TYK2: variants seen among roughly 807,000 people sequenced by gnomAD.
The protein encoded by TYK2 is non-receptor tyrosine-protein kinase TYK2.
TYK2 carries 65 observed loss-of-function variants against 130.9 expected under a neutral mutation model. That is an observed-to-expected ratio of 0.50 (90% CI 0.41 to 0.61). TYK2 has a LOEUF of 0.61. TYK2 is among the 20% of genes least tolerant of loss of function. The pLI is 0.00. For missense variants in TYK2, 1,378 were observed against 1,610.7 expected (o/e 0.86, Z 2.47); for synonymous variants, 647 against 658.9 (o/e 0.98, Z 0.28).
chr19:10,371,631 T>C (rs2041910475), intron 3 of TYK2, among the ~76,000 whole-genome samples: 3 of 151,864 alleles, frequency 2.0e-5, no homozygotes, highest in Admixed American at 2.0e-4. Context: ...AGCGAAACTC[T>C]GTCTCAAAAA....
chr19:10,366,073 C>A (rs1319886298), intron 6 of TYK2, among the ~76,000 whole-genome samples, 175 bp from the exon 7 acceptor site: 1 of 152,102 alleles, frequency 6.6e-6, no homozygotes, highest in Non-Finnish European at 1.5e-5. Flanking sequence ...GAAGCCAAGG[C>A]GGAAGGATCG....
intron 3 of TYK2, 154 bp from the exon 4 acceptor site, chr19:10,368,572 T>C (rs1248722948): frequency 2.8e-6 from 3 of 1,059,984 alleles, no homozygotes; most frequent in East Asian, 5.2e-5. Flanking sequence ...CAGAGGACAG[T>C]GCGTATGTTG....
At chr19:10,369,466 C>T (rs1046964338) in intron 3 of TYK2, among the ~76,000 whole-genome samples, 4 of 152,086 alleles carry the variant, frequency 2.6e-5, no homozygotes. Flanking sequence ...TCAAGCGATC[C>T]TCCCACCTCA....
intron 20 of TYK2, 36 bp downstream of exon 20, chr19:10,354,006 C>A (rs1474702553): frequency 6.2e-7 from 1 of 1,608,480 alleles, no homozygotes; most frequent in South Asian, 1.1e-5. Context: ...TAACCACGCC[C>A]CCTCAAGTCT....
chr19:10,372,773 G>C (rs1304490513), intron 3 of TYK2, among the ~76,000 whole-genome samples: 2 of 151,854 alleles, frequency 1.3e-5, no homozygotes, highest in African/African-American at 4.8e-5. Flanking sequence ...TTGCAGGCGT[G>C]AGCCACTGCA....
intron 22 of TYK2, among the ~76,000 whole-genome samples, 154 bp downstream of exon 22, chr19:10,352,772 G>A (rs1043338747): frequency 1.3e-5 from 2 of 152,082 alleles, no homozygotes; most frequent in Admixed American, 6.6e-5. Flanking sequence ...TCTATACACC[G>A]CCCCTTGCCT....
rs1222690580 is a variant in TYK2 at position 10,378,270 on chromosome 19, A to G, written c.137T>C (p.Phe46Ser). The G allele has an allele frequency of 6.2e-7, 1 of 1,612,938 alleles. No individual in the cohort carries two copies. The highest frequency in any genetic ancestry group is 1.1e-5 in the South Asian group (1 of 91,088). ...CTCAGCTGTCAGCGATGACTCACTG[A>G]AAGTGACCCAGGGCTCCCCGCCGCC... is the stretch of plus-strand genomic sequence containing the variant. ...GPGGGEPWVT[F>S]SESSLTAEEV... is the part of the protein sequence containing the mutation. The change falls in exon 3 of 25, where the codon TTC (phenylalanine) becomes TCC (serine). Residue 46 changes from phenylalanine (F) to serine (S), a missense_variant. By Grantham distance (155) the Phe-to-Ser change is radical (BLOSUM62 -2). Transcript: ENST00000525621.
At position 10,354,188 on chromosome 19, in the gene TYK2, T is replaced by A; in HGVS notation, c.2762A>T (p.Asp921Val). 6.2e-7 allele frequency: 1 copy of A among 1,613,750 alleles called. No individual in the cohort carries two copies. Among genetic ancestry groups the A allele is most frequent in the South Asian group, 1.1e-5 (1 of 91,070 alleles). Residue 921 changes from aspartate (D) to valine (V), a missense_variant, in exon 20 of 25, where the codon GAC becomes GTC. By Grantham distance (152) the Asp-to-Val change is radical. Coordinates refer to ENST00000525621, the MANE Select transcript of TYK2 (RefSeq NM_003331.5). Reference sequence around the variant, plus strand: ...CACCGCCACCATCTCGCCAGTGCCGTCGTTGGTCGGATCGTAGCAGTACAA... The same window carrying A: ...CACCGCCACCATCTCGCCAGTGCCGACGTTGGTCGGATCGTAGCAGTACAA... ...VSLYCYDPTN[D>V]GTGEMVAVKA...
chr19:10,351,763 G>A (rs1318422574), intron 23 of TYK2, among the ~76,000 whole-genome samples: 1 of 151,994 alleles, frequency 6.6e-6, no homozygotes, highest in Non-Finnish European at 1.5e-5. Context: ...TTTTGAGACA[G>A]TCTCTCGCTC....
Position 10,359,297 on chromosome 19 carries a change from T to C in TYK2, c.2053A>G (p.Met685Val), listed in dbSNP as rs1457621080. The change falls in exon 15 of 25, where the codon ATG (methionine) becomes GTG (valine). Residue 685 changes from methionine to valine, a missense_variant. Coordinates refer to ENST00000525621, the MANE Select transcript of TYK2 (RefSeq NM_003331.5). ...CCGTGCTCCACGTACTCTGTCACCA[T>C]GATATCTGTAAAGACACAGCTGCTC... Reference protein sequence around the residue: ...GVCVRGPENIMVTEYVEHGPL... With the variant: ...GVCVRGPENIVVTEYVEHGPL... 1 of 1,611,188 alleles carries C rather than the reference T, an allele frequency of 6.2e-7. No individual in the cohort carries two copies. Among genetic ancestry groups the C allele is most frequent in the Admixed American group, 1.7e-5 (1 of 59,950 alleles).
rs997074267 is a variant in TYK2 at position 10,361,936 on chromosome 19, C to T, written c.1793G>A (p.Gly598Asp). ...EITQLSHLGQ[G>D]TRTNVYEGRL... ...GCCCTCATACACGTTGGTCCTTGTG[C>T]CCTGGCCCAAGTGGGACAGCTGCGG... Residue 598 changes from glycine (G) to aspartate (D), a missense_variant, in exon 13 of 25, where the codon GGC becomes GAC. Coordinates refer to ENST00000525621, the MANE Select transcript of TYK2 (RefSeq NM_003331.5). The surrounding 1 kb of genome is among the most constrained non-coding windows in gnomAD (Gnocchi z 4.0). The T allele has an allele frequency of 2.5e-6, 4 of 1,613,950 alleles. No individual in the cohort carries two copies. The African/African-American group carries it at 4.0e-5, about 16-fold the overall frequency.
chr19:10,375,200 T>C (rs928083981), intron 3 of TYK2, among the ~76,000 whole-genome samples: 2 of 148,662 alleles, frequency 1.3e-5, no homozygotes, highest in South Asian at 2.1e-4. Context: ...CAGCCATCAA[T>C]GGGGAAGTAG....
rs753617141 is a variant in TYK2, at chr19:10,353,574, C to T, written c.2981G>A (p.Ser994Asn). The change falls in exon 21 of 25, where the codon AGC (serine) becomes AAC (asparagine). Residue 994 changes from serine to asparagine, a missense_variant. Ser to Asn is a conservative substitution (Grantham distance 46). Transcript: ENST00000525621. The surrounding 1 kb of genome is among the most constrained non-coding windows in gnomAD (Gnocchi z 6.9). ...GAGCAGCAGCTGGGCCAGCCCGATG[C>T]TGTGCCGGGGCAGGTAGTCTCGGAG... is the stretch of plus-strand genomic sequence containing the variant. ...GSLRDYLPRH[S>N]IGLAQLLLFA... 28 of 1,497,406 alleles carry T rather than the reference C, an allele frequency of 1.9e-5. No homozygotes were observed. Among genetic ancestry groups the T allele is most frequent in the South Asian group, 6.8e-5 (5 of 73,144 alleles). 92.8% of individuals were successfully genotyped at this position (1,497,406 alleles called of 1,614,324 possible). A position where few individuals can be genotyped will look rare whatever the true frequency, so the allele number is the denominator to read the frequency against.
At chr19:10,370,773 C>G (rs1312005178) in intron 3 of TYK2, among the ~76,000 whole-genome samples, 2 of 149,904 alleles carry the variant, frequency 1.3e-5, no homozygotes, top group African/African-American at 4.9e-5. Flanking sequence ...GCCGAGATCA[C>G]GCCACTGCGC....
chr19:10,362,706 A>C, intron 9 of TYK2, 49 bp from the exon 10 acceptor site: 3 of 1,475,584 alleles, frequency 2.0e-6, no homozygotes, highest in Non-Finnish European at 2.8e-6. Flanking sequence ...GCCACTCTGG[A>C]CCCATACCCG....
At position 10,353,981 on chromosome 19, in the gene TYK2, G is replaced by C. The variant is rs1599328678; in HGVS notation, c.2908+61C>G. 1.3e-6 allele frequency: 2 copies of C among 1,560,290 alleles called. No homozygotes were observed. The highest frequency in any genetic ancestry group is 4.5e-5 in the East Asian group (2 of 44,414). The stretch of plus-strand genomic sequence containing the variant: ...AGGCCAGACTGGCCCCGCCCACAAG[G>C]CCACACCCACGCTCTAACCACGCCC... On this transcript the variant is annotated intron_variant, in intron 20 of 24. Transcript: ENST00000525621. The surrounding 1 kb of genome is among the most constrained non-coding windows in gnomAD (Gnocchi z 6.9).
In TYK2 at chr19:10,353,815, TGAG is replaced by T. The variant is rs2040937317; in HGVS notation, c.2909-172_2909-170del. 2.9e-6 allele frequency: 2 copies of T among 679,980 alleles called. No individual in the cohort carries two copies. The highest frequency in any genetic ancestry group is 4.9e-6 in the Non-Finnish European group (2 of 404,936). 42.1% of individuals were successfully genotyped at this position (679,980 alleles called of 1,614,324 possible). A position where few individuals can be genotyped will look rare whatever the true frequency, so the allele number is the denominator to read the frequency against. ...ACCCATCCAGAACCCCATTCTCACT[TGAG>T]GGAGCTGCTGGTGGCTCCCGTCCAT... On this transcript the variant is annotated intron_variant, in intron 20 of 24. Transcript: ENST00000525621. This position sits in a 1 kb window ranked among gnomAD's most constrained non-coding sequence, Gnocchi z 6.9.
chr19:10,358,391 C>T (rs1230058923), intron 15 of TYK2, among the ~76,000 whole-genome samples: 1 of 148,124 alleles, frequency 6.8e-6, no homozygotes, highest in African/African-American at 2.5e-5. Flanking sequence ...GCTTCAAACT[C>T]CTGGGCTCAA....
At position 10,353,164 on chromosome 19, in the gene TYK2, C is replaced by T. The variant is rs1251253745; in HGVS notation, c.3028-66G>A. The stretch of plus-strand genomic sequence containing the variant: ...GTTCGGCCGGGGGCGGCGGCAGGAC[C>T]TGAGCAGCCAGGAGGGCTGGGGGAC... On this transcript the variant is annotated intron_variant, in intron 21 of 24. Coordinates refer to ENST00000525621, the MANE Select transcript of TYK2 (RefSeq NM_003331.5). This position sits in a 1 kb window ranked among gnomAD's most constrained non-coding sequence, Gnocchi z 6.9. The T allele has an allele frequency of 8.0e-6, 11 of 1,381,018 alleles. No homozygotes were observed. The highest frequency in any genetic ancestry group is 9.5e-6 in the Non-Finnish European group (10 of 1,049,070). 85.5% of individuals were successfully genotyped at this position (1,381,018 alleles called of 1,614,324 possible).
Sources: gnomAD v4.1 joint callset for allele counts (sites outside exome capture counted in the v4.1 genomes callset) on GRCh38, gnomAD v4.1.1 for gene constraint, Gnocchi (gnomAD v3.1) non-coding constraint, MANE v1.5 for transcripts, NCBI Gene and HGNC (gene_info 2026-07-23, HGNC 2026-07-21) for gene names.